XRCC4: variants seen among roughly 807,000 people sequenced by gnomAD.
The protein encoded by XRCC4 is X-ray repair cross complementing 4, also known as DNA repair protein XRCC4.
A neutral mutation model predicts 39.1 loss-of-function variants in XRCC4; 28 were observed. The ratio of observed to expected loss-of-function variants is 0.72; its 90% CI spans 0.53 to 0.98. XRCC4 has a LOEUF of 0.98. Among genes scored for constraint, XRCC4 ranks in the 50% least tolerant of loss-of-function variants. The pLI, the probability that XRCC4 is intolerant of heterozygous loss-of-function variation, is 0.00. For missense variants in XRCC4, 350 were observed against 376.4 expected (o/e 0.93, Z 0.58); for synonymous variants, 123 against 126.4 (o/e 0.97, Z 0.18).
intron 3 of XRCC4, among the ~76,000 whole-genome samples, chr5:83,129,310 G>C (rs1397078863): frequency 6.6e-6 from 1 of 150,836 alleles, no homozygotes; most frequent in Non-Finnish European, 1.5e-5. Context: ...ATTTCTGAGG[G>C]CTCTGTTCTG....
chr5:83,206,151 G>A (rs28360157), intron 6 of XRCC4, among the ~76,000 whole-genome samples: 144 of 152,212 alleles, frequency 9.5e-4, no homozygotes, highest in African/African-American at 3.2e-3. Flanking sequence ...AAACAGTCAG[G>A]TGACATAATC....
At chr5:83,313,446 A>G (rs1755775010) in intron 7 of XRCC4, among the ~76,000 whole-genome samples, 1 of 152,132 alleles carries the variant, frequency 6.6e-6, no homozygotes, top group Non-Finnish European at 1.5e-5. Context: ...TTACTGCTGT[A>G]GGATATTTAT....
At chr5:83,265,673 A>G (rs1293276915) in intron 7 of XRCC4, among the ~76,000 whole-genome samples, 1 of 152,176 alleles carries the variant, frequency 6.6e-6, no homozygotes, top group Non-Finnish European at 1.5e-5. Flanking sequence ...TTAAGTATAC[A>G]AAAAGGACAA....
At chr5:83,157,457 T>TG (rs140251729) in intron 3 of XRCC4, among the ~76,000 whole-genome samples, 1 of 152,172 alleles carries the variant, frequency 6.6e-6, no homozygotes, top group East Asian at 1.9e-4. Context: ...GCCAGGCATT[T>TG]GGGGAAATCC....
At chr5:83,320,150 T>C (rs1334657287) in intron 7 of XRCC4, among the ~76,000 whole-genome samples, 232 of 130,692 alleles carry the variant, frequency 1.8e-3, no homozygotes, top group African/African-American at 6.3e-3. Flanking sequence ...AGGTGGGAAT[T>C]GAACAATGAG....
intron 6 of XRCC4, among the ~76,000 whole-genome samples, chr5:83,234,106 GCAAAATTCTATCAGCTCTA>G (rs1426099045): frequency 6.6e-6 from 1 of 151,988 alleles, no homozygotes; most frequent in African/African-American, 2.4e-5. Flanking sequence ...TAGGTAATCT[GCAAAATTCTATCAGCTCTA>G]CATTTACAGT....
intron 7 of XRCC4, among the ~76,000 whole-genome samples, chr5:83,351,274 C>G (rs1308184460): frequency 2.0e-5 from 3 of 152,124 alleles, no homozygotes; most frequent in African/African-American, 7.2e-5. Flanking sequence ...TATAAATTAC[C>G]CAGTCTCAGG....
At chr5:83,223,550 C>G (rs1233407011) in intron 6 of XRCC4, among the ~76,000 whole-genome samples, 1 of 149,906 alleles carries the variant, frequency 6.7e-6, no homozygotes, top group Admixed American at 6.7e-5. Flanking sequence ...CTACTTTGCT[C>G]CTGGTTTTGG....
At chr5:83,181,053 CTTTTT>C (rs374001978) in intron 3 of XRCC4, among the ~76,000 whole-genome samples, 2 of 139,384 alleles carry the variant, frequency 1.4e-5, no homozygotes, top group Non-Finnish European at 3.1e-5. Context: ...TTTAAACTTT[CTTTTT>C]TTTTTTTTGC....
chr5:83,239,649 GAAACCCC>G (rs3070933), intron 6 of XRCC4, among the ~76,000 whole-genome samples: 5,585 of 152,006 alleles, frequency 0.037, 329 homozygotes, highest in African/African-American at 0.13. Flanking sequence ...CTAACACGGT[GAAACCCC>G]GTCTCTACTA....
chr5:83,120,381 T>C (rs1746952240), intron 3 of XRCC4, among the ~76,000 whole-genome samples: 1 of 152,210 alleles, frequency 6.6e-6, no homozygotes, highest in Non-Finnish European at 1.5e-5. Flanking sequence ...TTTTCAGTAT[T>C]CATAAAAGCA....
chr5:83,324,688 G>A (rs1429866126), intron 7 of XRCC4, among the ~76,000 whole-genome samples: 1 of 152,074 alleles, frequency 6.6e-6, no homozygotes, highest in Admixed American at 6.6e-5. Context: ...GTTCATGCCA[G>A]TGGGGTATTC....
intron 3 of XRCC4, among the ~76,000 whole-genome samples, chr5:83,178,171 T>C (rs2112641524): frequency 6.6e-6 from 1 of 152,132 alleles, no homozygotes; most frequent in South Asian, 2.1e-4. Context: ...TTACTGGGGG[T>C]AAAGCAGGTT....
At chr5:83,356,331 C>G (rs995983174), downstream of XRCC4, among the ~76,000 whole-genome samples, 2 of 151,964 alleles carry the variant, frequency 1.3e-5, no homozygotes, top group African/African-American at 4.8e-5. Flanking sequence ...ATGTGTCTAT[C>G]TATCTATCTA....
chr5:83,339,592 A>G (rs1423404397), intron 7 of XRCC4, among the ~76,000 whole-genome samples: 2 of 152,100 alleles, frequency 1.3e-5, no homozygotes, highest in African/African-American at 2.4e-5. Context: ...AAACCCGCAC[A>G]TTCTGCACAT....
At chr5:83,202,762 C>G (rs1323194168) in intron 4 of XRCC4, among the ~76,000 whole-genome samples, 1 of 152,080 alleles carries the variant, frequency 6.6e-6, no homozygotes, top group Non-Finnish European at 1.5e-5. Context: ...ATGTATTCAT[C>G]ATGTATGTGT....
intron 4 of XRCC4, among the ~76,000 whole-genome samples, chr5:83,197,966 T>G (rs895556455): frequency 6.6e-6 from 1 of 152,130 alleles, no homozygotes; most frequent in Non-Finnish European, 1.5e-5. Flanking sequence ...GAGCTGTAAA[T>G]ACATCTTGAT....
intron 7 of XRCC4, among the ~76,000 whole-genome samples, chr5:83,283,891 A>G (rs1754639482): frequency 6.6e-6 from 1 of 152,002 alleles, no homozygotes; most frequent in Non-Finnish European, 1.5e-5. Context: ...GGACTTTCCC[A>G]TGGTTTCTTT....
intron 7 of XRCC4, among the ~76,000 whole-genome samples, chr5:83,292,673 C>T (rs1270376651): frequency 6.6e-6 from 1 of 151,920 alleles, no homozygotes; most frequent in Non-Finnish European, 1.5e-5. Flanking sequence ...TTTATTCTCA[C>T]TGTTACAGGC....
Sources: gnomAD v4.1 joint callset for allele counts (sites outside exome capture counted in the v4.1 genomes callset) on GRCh38, gnomAD v4.1.1 for gene constraint, MANE v1.5 for transcripts, NCBI Gene and HGNC (gene_info 2026-07-23, HGNC 2026-07-21) for gene names.